Variants in GBP7 observed in about 807,000 individuals in gnomAD.
GBP7 encodes guanylate binding protein 7.
In GBP7, 43 loss-of-function variants were observed where a neutral mutation model predicts 61.3. That is an observed-to-expected ratio of 0.70 (90% CI 0.55 to 0.91). The LOEUF (loss-of-function observed/expected upper bound fraction) is 0.91, where lower values mean the gene tolerates loss of function less well. Ranked by LOEUF, GBP7 falls within the 40% of genes least tolerant of loss-of-function variation. The pLI is 0.00. For missense variants in GBP7, 717 were observed against 740.5 expected, an observed-to-expected ratio of 0.97 and a Z score of 0.37; for synonymous variants, 267 against 271.0, an observed-to-expected ratio of 0.99 and a Z score of 0.14.
rs561193091 is a variant in GBP7, at chr1:89,155,918, A to G, written c.319-3141T>C. ...GACACATAATTGTCAGATTCACCAAAGTTGAAATGAAGGAAAAAATGTTAA... is the reference window on the plus strand; with the variant it reads ...GACACATAATTGTCAGATTCACCAAGGTTGAAATGAAGGAAAAAATGTTAA... On this transcript the variant is annotated intron_variant, in intron 3 of 10. Coordinates refer to ENST00000294671, the MANE Select transcript of GBP7 (RefSeq NM_207398.3). Among the ~76,000 whole-genome samples the G allele has an allele frequency of 4.3e-4, 66 of 152,332 alleles. 1 individual carries two copies. In the South Asian group the frequency reaches 5.8e-3, roughly 13 times the overall value.
chr1:89,165,291 G>A (rs1647393621), intron 2 of GBP7, among the ~76,000 whole-genome samples: 1 of 152,080 alleles, frequency 6.6e-6, no homozygotes, highest in Admixed American at 6.6e-5. Context: ...CACAAAGTCA[G>A]AAGATAGAGA....
At chr1:89,143,356 A>G (rs1251824692) in intron 8 of GBP7, among the ~76,000 whole-genome samples, 2 of 152,212 alleles carry the variant, frequency 1.3e-5, no homozygotes, top group Non-Finnish European at 2.9e-5. Context: ...TGACTTATGA[A>G]GTAAAAAATC....
chr1:89,132,069 A>G lies in GBP7; in HGVS notation c.*80T>C. On this transcript the variant is annotated 3_prime_UTR_variant, in exon 11 of 11. Transcript: ENST00000294671. ...TTTGAAATTTGCTTTTTAATTTTAA[A>G]CTTTTCTTAAATGAAACTGCAATAA... 1.6e-6 allele frequency: 2 copies of G among 1,217,750 alleles called. No individual in the cohort carries two copies. Among genetic ancestry groups the G allele is most frequent in the Non-Finnish European group, 2.2e-6 (2 of 892,590 alleles). The allele number at this position is 1,217,750 out of a possible 1,614,324, so 75.4% of individuals were successfully genotyped here. A position where few individuals can be genotyped will look rare whatever the true frequency, so the allele number is the denominator to read the frequency against.
At chr1:89,144,710 C>T (rs574098216) in intron 8 of GBP7, among the ~76,000 whole-genome samples, 1 of 152,186 alleles carries the variant, frequency 6.6e-6, no homozygotes, top group African/African-American at 2.4e-5. Context: ...ATATCTGCAC[C>T]TCATGCAGTT....
At chr1:89,163,992 C>G (rs982030792) in intron 3 of GBP7, among the ~76,000 whole-genome samples, 9 of 152,070 alleles carry the variant, frequency 5.9e-5, no homozygotes, top group Non-Finnish European at 1.2e-4. Context: ...GCCTCAGCCT[C>G]CTGAATAGCT....
chr1:89,171,741 C>T lies in GBP7; in HGVS notation c.190+5G>A, dbSNP rs572943059. ...GCTCATCCATGCTTTGCTGGTGCCA[C>T]TCACCTTTGTTCTTCCCAGCCAGCT... On this transcript the variant is annotated splice_donor_5th_base_variant and intron_variant, in intron 2 of 10. Transcript: ENST00000294671. The T allele has an allele frequency of 3.4e-5, 55 of 1,611,816 alleles. No homozygotes were observed. In the South Asian group the frequency reaches 5.8e-4, roughly 17 times the overall value.
intron 3 of GBP7, among the ~76,000 whole-genome samples, chr1:89,157,209 G>A (rs953551073): frequency 2.0e-5 from 3 of 152,172 alleles, no homozygotes; most frequent in African/African-American, 7.2e-5. Context: ...AAAGAAGTGT[G>A]TAGAGGGAAA....
intron 1 of GBP7, among the ~76,000 whole-genome samples, 165 bp downstream of exon 1, chr1:89,175,756 G>GAATT (rs1647722296): frequency 6.6e-6 from 1 of 152,152 alleles, no homozygotes; most frequent in South Asian, 2.1e-4. Context: ...GACACAGCAG[G>GAATT]AATTAGAGCA....
At chr1:89,139,050 C>T (rs1470357225) in intron 9 of GBP7, among the ~76,000 whole-genome samples, 2 of 152,080 alleles carry the variant, frequency 1.3e-5, no homozygotes, top group African/African-American at 2.4e-5. Context: ...AGAAGACATA[C>T]ACATGGCCAG....
intron 7 of GBP7, among the ~76,000 whole-genome samples, chr1:89,148,300 T>C (rs947465689): frequency 6.6e-6 from 1 of 152,226 alleles, no homozygotes; most frequent in Non-Finnish European, 1.5e-5. Context: ...TTCTGTCACT[T>C]GTGGACTGGT....
chr1:89,152,249 C>G lies in GBP7; in HGVS notation c.625+19G>C, dbSNP rs1158156103. The G allele has an allele frequency of 1.9e-6, 3 of 1,610,086 alleles. No homozygotes were observed. Among genetic ancestry groups the G allele is most frequent in the South Asian group, 2.2e-5 (2 of 90,650 alleles). On this transcript the variant is annotated intron_variant, in intron 5 of 10. Coordinates refer to ENST00000294671, the MANE Select transcript of GBP7 (RefSeq NM_207398.3). ...CACCCGCTACTGAACCTTCTCCCAT[C>G]TAGGCCATGCTCTGATACCTGAAAT...
chr1:89,152,316 G>C lies in GBP7; in HGVS notation c.577C>G (p.Pro193Ala). 6.2e-7 allele frequency: 1 copy of C among 1,613,930 alleles called. No homozygotes were observed. The change falls in exon 5 of 11, where the codon CCC becomes GCC. Residue 193 changes from proline (P) to alanine (A), a missense_variant. Physicochemically the swap from Pro to Ala is conservative, Grantham distance 27 (BLOSUM62 -1). Around this residue, in one of 3 missense-constraint regions of GBP7, gnomAD observed 387 missense variants for 385.2 expected, o/e 1.00. Transcript: ENST00000294671. ...FTLELKLDGH[P>A]ITEDEYLENA... ...TCCAGGTACTCATCTTCTGTGATGG[G>C]GTGTCCATCTAACTTCAGCTCCAGG...
chr1:89,150,460 G>A lies in GBP7; in HGVS notation c.741C>T (p.Leu247=). ...DRPINDKKLL[L]HVEEVREDQL... ...GGTCTTCTCGTACTTCTTCAACATG[G>A]AGTAAGAGTTTTTTGTCATTTATTG... Residue 247 remains leucine, a synonymous_variant, in exon 6 of 11, where the codon CTC becomes CTT. Coordinates refer to ENST00000294671, the MANE Select transcript of GBP7 (RefSeq NM_207398.3). 6.2e-7 allele frequency: 1 copy of A among 1,614,012 alleles called. No individual in the cohort carries two copies. The highest frequency in any genetic ancestry group is 8.5e-7 in the Non-Finnish European group (1 of 1,179,964).
At chr1:89,167,301 T>C (rs1647471386) in intron 2 of GBP7, among the ~76,000 whole-genome samples, 1 of 152,184 alleles carries the variant, frequency 6.6e-6, no homozygotes, top group Non-Finnish European at 1.5e-5. Context: ...TAGTTCAGGA[T>C]CTTATTTGGA....
At chr1:89,159,455 T>A (rs1333262995) in intron 3 of GBP7, among the ~76,000 whole-genome samples, 2 of 152,120 alleles carry the variant, frequency 1.3e-5, no homozygotes, top group Non-Finnish European at 2.9e-5. Flanking sequence ...TGTTTACAAT[T>A]TACCCATCTG....
At chr1:89,139,707 G>A (rs563103303) in intron 9 of GBP7, among the ~76,000 whole-genome samples, 118 of 152,308 alleles carry the variant, frequency 7.7e-4, no homozygotes, top group Admixed American at 3.7e-3. Context: ...ATCATCACTG[G>A]CCATCAGAGA....
chr1:89,163,140 G>T (rs953365689), intron 3 of GBP7, among the ~76,000 whole-genome samples: 7 of 152,092 alleles, frequency 4.6e-5, no homozygotes, highest in Non-Finnish European at 7.4e-5. Flanking sequence ...TAAGCTTTTT[G>T]ATGTGTTGCT....
At chr1:89,137,731 G>T (rs1490267158) in intron 9 of GBP7, among the ~76,000 whole-genome samples, 1 of 151,916 alleles carries the variant, frequency 6.6e-6, no homozygotes, top group Admixed American at 6.6e-5. Context: ...TTTCACTTGA[G>T]AACCAAAAAC....
intron 3 of GBP7, among the ~76,000 whole-genome samples, chr1:89,159,087 A>G (rs1682377711): frequency 6.6e-6 from 1 of 152,180 alleles, no homozygotes; most frequent in South Asian, 2.1e-4. Context: ...TCTTTGACAA[A>G]CCTGACAAAA....
Sources: gnomAD v4.1 joint callset for allele counts (sites outside exome capture counted in the v4.1 genomes callset) on GRCh38, gnomAD v4.1.1 for gene constraint, gnomAD v4.1.1 regional missense constraint, MANE v1.5 for transcripts, NCBI Gene and HGNC (gene_info 2026-07-23, HGNC 2026-07-21) for gene names.